The following CUX1 variants were observed in gnomAD, a reference collection of about 807,000 sequenced individuals.
CUX1 encodes cut like homeobox 1, also known as protein CASP.
Under a neutral mutation model 158.8 loss-of-function variants are expected in CUX1, and 31 were observed. The observed-to-expected ratio is 0.20, with a 90% CI of 0.15 to 0.26. The LOEUF is 0.26. Among genes scored for constraint, CUX1 ranks in the 10% least tolerant of loss-of-function variants. The pLI is 1.00. For missense variants in CUX1, 1,589 were observed against 2,014.6 expected (o/e 0.79, Z 4.04); for synonymous variants, 879 against 862.1 (o/e 1.02, Z -0.34).
chr7:102,086,616 G>GT (rs1339947874), intron 4 of CUX1, among the ~76,000 whole-genome samples: 1,926 of 144,180 alleles, frequency 0.013, 31 homozygotes, highest in African/African-American at 0.039. Flanking sequence ...TTTTTTCGTT[G>GT]TTTTTTTTTT....
chr7:101,855,570 TC>T lies in CUX1; in HGVS notation c.30+37902del, dbSNP rs550033810. Reference sequence around the variant, plus strand: ...ATTCATTTTGGTACTTTCTCTGTGTTCTCCCCATGTGTTAAAAAGCAGCTTA... The same window carrying T: ...ATTCATTTTGGTACTTTCTCTGTGTTTCCCCATGTGTTAAAAAGCAGCTTA... On this transcript the variant is annotated intron_variant, in intron 1 of 23. Transcript: ENST00000292535. Among the ~76,000 whole-genome samples the T allele has an allele frequency of 3.9e-3, 588 of 152,314 alleles. 2 individuals are homozygous for T. The highest frequency in any genetic ancestry group is 6.1e-3 in the Non-Finnish European group (417 of 68,036).
chr7:102,203,847 A>G (rs1372681154), intron 18 of CUX1, among the ~76,000 whole-genome samples: 5 of 151,784 alleles, frequency 3.3e-5, no homozygotes, highest in African/African-American at 1.2e-4. Flanking sequence ...CCGGCTCCCC[A>G]GGTCCCACCA....
intron 4 of CUX1, among the ~76,000 whole-genome samples, chr7:102,093,476 T>C (rs1354048199): frequency 6.6e-6 from 1 of 152,174 alleles, no homozygotes; most frequent in Non-Finnish European, 1.5e-5. Context: ...TGTGAGCCAC[T>C]GTGCCTGGCC....
intron 3 of CUX1, among the ~76,000 whole-genome samples, chr7:102,037,312 G>C (rs1821547551): frequency 6.6e-6 from 1 of 151,634 alleles, no homozygotes; most frequent in African/African-American, 2.4e-5. Context: ...AAATATAAAA[G>C]ATGATGACTT....
At chr7:101,873,832 G>A (rs1240388953) in intron 1 of CUX1, among the ~76,000 whole-genome samples, 1 of 152,062 alleles carries the variant, frequency 6.6e-6, no homozygotes, top group Non-Finnish European at 1.5e-5. Flanking sequence ...TGATCCGCCT[G>A]CCTCAGCCTC....
intron 4 of CUX1, among the ~76,000 whole-genome samples, chr7:102,088,818 T>A (rs1446828968): frequency 2.0e-5 from 3 of 152,212 alleles, no homozygotes; most frequent in Non-Finnish European, 4.4e-5. Context: ...TAATTTTGAT[T>A]TCAGAAACTC....
intron 2 of CUX1, among the ~76,000 whole-genome samples, chr7:101,985,876 G>T (rs1218453330): frequency 6.6e-6 from 1 of 152,204 alleles, no homozygotes; most frequent in African/African-American, 2.4e-5. Context: ...TCCCACAGGG[G>T]TTCTTTAGAC....
intron 2 of CUX1, among the ~76,000 whole-genome samples, chr7:102,015,430 G>GT (rs2129305753): frequency 6.6e-6 from 1 of 152,234 alleles, no homozygotes; most frequent in South Asian, 2.1e-4. Flanking sequence ...GTTTCACTGT[G>GT]TTGGCCAGGC....
In CUX1 at chr7:101,973,776, T is replaced by C. The variant is rs544563867; in HGVS notation, c.142-54322T>C. Among the ~76,000 whole-genome samples, 18 of 150,586 alleles carry C rather than the reference T, an allele frequency of 1.2e-4. 1 individual carries two copies. The highest frequency in any genetic ancestry group is 3.4e-3 in the Middle Eastern group (1 of 294). On this transcript the variant is annotated intron_variant, in intron 2 of 23. Transcript: ENST00000292535. ...TCTTTTTCTTTTTCTTTTTCTTTTT[T>C]TTTTTTTTTTGAGACGGAGTCTCAC...
At chr7:101,868,320 G>C (rs1466843946) in intron 1 of CUX1, among the ~76,000 whole-genome samples, 1 of 152,214 alleles carries the variant, frequency 6.6e-6, no homozygotes, top group Non-Finnish European at 1.5e-5. Flanking sequence ...CTGTAGTGGA[G>C]CTGGCTTTTG....
At chr7:102,197,633 T>C (rs1794931998) in intron 15 of CUX1, among the ~76,000 whole-genome samples, 1 of 152,152 alleles carries the variant, frequency 6.6e-6, no homozygotes, top group Admixed American at 6.5e-5. Flanking sequence ...GCGGGTCCAA[T>C]TGGCCTTGGG....
chr7:101,879,644 G>A (rs1249892160), intron 1 of CUX1, among the ~76,000 whole-genome samples: 1 of 152,078 alleles, frequency 6.6e-6, no homozygotes, highest in South Asian at 2.1e-4. Flanking sequence ...CTGACAGTGG[G>A]CTCTCCCGGC....
At chr7:101,922,492 ACGTTTG>A (rs1805069918) in intron 2 of CUX1, among the ~76,000 whole-genome samples, 1 of 152,302 alleles carries the variant, frequency 6.6e-6, no homozygotes, top group African/African-American at 2.4e-5. Context: ...TGGGAAATGC[ACGTTTG>A]CAGTTTCTGG....
chr7:102,130,403 G>A (rs1346847418), intron 8 of CUX1, among the ~76,000 whole-genome samples: 4 of 152,136 alleles, frequency 2.6e-5, no homozygotes, highest in Non-Finnish European at 1.5e-5. Context: ...AGTGTTGGCC[G>A]GGTAAGGTGG....
intron 2 of CUX1, among the ~76,000 whole-genome samples, chr7:101,965,967 C>T (rs941919521): frequency 6.6e-6 from 1 of 150,926 alleles, no homozygotes; most frequent in Non-Finnish European, 1.5e-5. Context: ...CAGCAGAAAA[C>T]GTGTTTCTGA....
Position 102,193,932 on chromosome 7 carries a change from G to A in CUX1, c.1125+42G>A, listed in dbSNP as rs1212545825. 8 of 1,601,932 alleles carry A rather than the reference G, an allele frequency of 5.0e-6. No individual in the cohort carries two copies. The East Asian group carries it at 6.7e-5, about 13-fold the overall frequency. On this transcript the variant is annotated intron_variant, in intron 13 of 23. Transcript: ENST00000292535. ...AATGGTCAGCACTAGCATCAGCCCC[G>A]CTGCTGGTTACCACTGGTCCCTCCG...
intron 1 of CUX1, among the ~76,000 whole-genome samples, chr7:101,821,597 C>G (rs1436166096): frequency 2.0e-5 from 3 of 151,118 alleles, no homozygotes; most frequent in Admixed American, 2.0e-4. Context: ...CTTGGCCTCC[C>G]GAAGTGCTGG....
chr7:102,050,134 C>G (rs779494400), intron 3 of CUX1, among the ~76,000 whole-genome samples: 1 of 152,202 alleles, frequency 6.6e-6, no homozygotes, highest in African/African-American at 2.4e-5. Context: ...ACCAAACTGA[C>G]AAATCACTGA....
At chr7:101,828,863 T>TG (rs1216237404) in intron 1 of CUX1, among the ~76,000 whole-genome samples, 1 of 138,816 alleles carries the variant, frequency 7.2e-6, no homozygotes, top group East Asian at 2.2e-4. Flanking sequence ...GGGTGGCTGA[T>TG]GGGGGGTGGG....
Sources: allele counts gnomAD v4.1 joint callset (sites outside exome capture counted in the v4.1 genomes callset), GRCh38; gene constraint gnomAD v4.1.1; transcripts MANE v1.5; gene names NCBI Gene and HGNC (gene_info 2026-07-23, HGNC 2026-07-21).